Variants in GABRA5 observed in about 807,000 individuals in gnomAD.
GABRA5 encodes the protein gamma-aminobutyric acid type A receptor subunit alpha5.
In GABRA5, 18 loss-of-function variants were observed where a neutral mutation model predicts 47.3. The ratio of observed to expected loss-of-function variants is 0.38; its 90% CI spans 0.26 to 0.56. GABRA5 has a LOEUF of 0.56. Among genes scored for constraint, GABRA5 ranks in the 20% least tolerant of loss-of-function variants. GABRA5 has a pLI of 0.71. For missense variants in GABRA5, 365 were observed against 599.3 expected (o/e 0.61, Z 4.08); for synonymous variants, 237 against 229.3 (o/e 1.03, Z -0.30).
At chr15:26,934,727 TAGTG>T in intron 7 of GABRA5, among the ~76,000 whole-genome samples, 1 of 152,264 alleles carries the variant, frequency 6.6e-6, no homozygotes, top group Admixed American at 6.5e-5. Flanking sequence ...TCCACCCTGG[TAGTG>T]AGTGTCAGGC....
At chr15:26,939,223 C>A (rs754770382) in intron 8 of GABRA5, 19 of 764,926 alleles carry the variant, frequency 2.5e-5, no homozygotes, top group Non-Finnish European at 3.6e-5. Context: ...CAGCTCCCGA[C>A]CTCAGCTCCT....
chr15:26,941,819 C>T (rs145911170), intron 9 of GABRA5, among the ~76,000 whole-genome samples: 3 of 152,296 alleles, frequency 2.0e-5, no homozygotes, highest in Admixed American at 6.5e-5. Context: ...GTGTGCATGT[C>T]TGTCTCCAAG....
chr15:26,943,616 G>A (rs1022641766), intron 10 of GABRA5, among the ~76,000 whole-genome samples, 190 bp downstream of exon 10: 1 of 152,172 alleles, frequency 6.6e-6, no homozygotes. Flanking sequence ...AAAAGGCGAT[G>A]GGGTGTGAAT....
chr15:26,947,936 A>G lies in GABRA5; in HGVS notation c.1092A>G (p.Lys364=). ...TACATTCGTATTATATTTTGCAGAA[A>G]AAGCGTGAAGTCATACTAAATAAGT... ...KKALEAAKIK[K]KREVILNKST... The change falls in exon 11 of 11, where the codon AAA becomes AAG. Residue 364 remains lysine (K), a splice_region_variant and synonymous_variant. Transcript: ENST00000335625. 2 of 1,568,674 alleles carry G rather than the reference A, an allele frequency of 1.3e-6. No homozygotes were observed. The highest frequency in any genetic ancestry group is 2.3e-5 in the South Asian group (2 of 85,336).
At chr15:26,944,919 G>T (rs1270847922) in intron 10 of GABRA5, among the ~76,000 whole-genome samples, 1 of 152,146 alleles carries the variant, frequency 6.6e-6, no homozygotes, top group African/African-American at 2.4e-5. Context: ...GGTGAATGGA[G>T]AGAGCACACC....
intron 6 of GABRA5, among the ~76,000 whole-genome samples, chr15:26,914,077 C>T (rs1370078427): frequency 6.6e-6 from 1 of 152,162 alleles, no homozygotes; most frequent in East Asian, 1.9e-4. Context: ...CACAGACATG[C>T]CAGCTCTTGT....
intron 6 of GABRA5, among the ~76,000 whole-genome samples, chr15:26,889,240 T>C (rs1197221269): frequency 2.0e-5 from 3 of 152,224 alleles, no homozygotes; most frequent in African/African-American, 7.2e-5. Flanking sequence ...GCTTAATTCA[T>C]GAATTGGGGA....
rs922050537 is a variant in GABRA5, at chr15:26,935,796, C to T, written c.581-1389C>T. ...CTGCATCTCTCCTTCTCTTCCTCTC[C>T]CTGCTTCCCTTTCATCCTTGAGCAG... On this transcript the variant is annotated intron_variant, in intron 7 of 10. Transcript: ENST00000335625. Among the ~76,000 whole-genome samples the T allele has an allele frequency of 4.6e-5, 7 of 152,340 alleles. No homozygotes were observed. In the East Asian group the frequency reaches 1.2e-3, roughly 25 times the overall value.
chr15:26,884,876 T>A (rs968535660), intron 6 of GABRA5, among the ~76,000 whole-genome samples: 1 of 152,192 alleles, frequency 6.6e-6, no homozygotes, highest in Admixed American at 6.5e-5. Flanking sequence ...CTGTGCAACA[T>A]CTCATTGCAG....
At chr15:26,921,041 T>C (rs1480461978) in intron 7 of GABRA5, among the ~76,000 whole-genome samples, 4 of 152,234 alleles carry the variant, frequency 2.6e-5, no homozygotes, top group African/African-American at 4.8e-5. Flanking sequence ...TTTTATATAT[T>C]GTTGAATTCA....
At chr15:26,884,703 GA>G (rs763267008) in intron 6 of GABRA5, among the ~76,000 whole-genome samples, 31 of 151,178 alleles carry the variant, frequency 2.1e-4, no homozygotes, top group South Asian at 4.2e-4. Flanking sequence ...GATTAAAGGG[GA>G]AAAAAAAATC....
At chr15:26,892,880 G>C (rs145772296) in intron 6 of GABRA5, among the ~76,000 whole-genome samples, 78 of 152,070 alleles carry the variant, frequency 5.1e-4, no homozygotes, top group African/African-American at 1.8e-3. Context: ...GGGTGTGTAT[G>C]GGTATGTGTG....
intron 4 of GABRA5, among the ~76,000 whole-genome samples, chr15:26,881,795 G>A (rs1347910733): frequency 6.6e-6 from 1 of 152,140 alleles, no homozygotes; most frequent in Non-Finnish European, 1.5e-5. Flanking sequence ...TGCCTCCCAG[G>A]TTTAAGTGAT....
chr15:26,897,416 A>C (rs1893224654), intron 6 of GABRA5, among the ~76,000 whole-genome samples: 1 of 152,024 alleles, frequency 6.6e-6, no homozygotes, highest in East Asian at 1.9e-4. Context: ...CTCAGAAAGA[A>C]CCATCCCTGC....
chr15:26,871,930 G>A (rs958843181), intron 3 of GABRA5, among the ~76,000 whole-genome samples: 1 of 152,164 alleles, frequency 6.6e-6, no homozygotes. Context: ...ATTTTTGTAA[G>A]AGGAATTTTA....
At chr15:26,899,765 G>A (rs573784638) in intron 6 of GABRA5, among the ~76,000 whole-genome samples, 95 of 151,982 alleles carry the variant, frequency 6.3e-4, no homozygotes, top group Admixed American at 1.2e-3. Context: ...TTTCACTTTT[G>A]ACTTTTTTAT....
intron 7 of GABRA5, among the ~76,000 whole-genome samples, chr15:26,935,055 G>A (rs1894204875): frequency 6.6e-6 from 1 of 152,202 alleles, no homozygotes; most frequent in African/African-American, 2.4e-5. Flanking sequence ...TCTTGTCCCG[G>A]CAAAAAGATT....
chr15:26,919,687 A>G (rs1302053382), intron 7 of GABRA5, among the ~76,000 whole-genome samples: 1 of 152,166 alleles, frequency 6.6e-6, no homozygotes, highest in Non-Finnish European at 1.5e-5. Context: ...GTGTAAATAC[A>G]GACAAATACC....
At chr15:26,895,656 C>CA (rs535927771) in intron 6 of GABRA5, among the ~76,000 whole-genome samples, 1 of 151,358 alleles carries the variant, frequency 6.6e-6, no homozygotes, top group Non-Finnish European at 1.5e-5. Flanking sequence ...ACTAAAAATA[C>CA]AAAAAAAGTA....
Sources: gnomAD v4.1 joint callset for allele counts (sites outside exome capture counted in the v4.1 genomes callset) on GRCh38, gnomAD v4.1.1 for gene constraint, MANE v1.5 for transcripts, NCBI Gene and HGNC (gene_info 2026-07-23, HGNC 2026-07-21) for gene names.